The following SEMA3A variants were observed in gnomAD, a reference collection of about 807,000 sequenced individuals.
The protein encoded by SEMA3A is semaphorin-3A.
Under a neutral mutation model 97.9 loss-of-function variants are expected in SEMA3A, and 29 were observed. The ratio of observed to expected loss-of-function variants is 0.30; its 90% CI spans 0.22 to 0.40. SEMA3A has a LOEUF of 0.40. SEMA3A is among the 10% of genes least tolerant of loss of function. SEMA3A has a pLI of 1.00. For synonymous variants in SEMA3A, 321 were observed against 323.7 expected, an observed-to-expected ratio of 0.99 and a Z score of 0.09; for missense variants, 763 against 951.3, an observed-to-expected ratio of 0.80 and a Z score of 2.60.
At chr7:84,063,444 G>T (rs944176536) in intron 4 of SEMA3A, among the ~76,000 whole-genome samples, 1 of 151,450 alleles carries the variant, frequency 6.6e-6, no homozygotes. Context: ...GCTGAGAGAA[G>T]AAGGCTTCAG....
intron 14 of SEMA3A, among the ~76,000 whole-genome samples, chr7:83,979,163 T>C (rs1347576111): frequency 2.6e-5 from 4 of 151,562 alleles, no homozygotes; most frequent in Non-Finnish European, 5.9e-5. Flanking sequence ...AGACAGAGTC[T>C]TGCTTTGTCA....
At chr7:84,213,376 T>C (rs553033271) in intron 3 of SEMA3A, among the ~76,000 whole-genome samples, 1 of 152,284 alleles carries the variant, frequency 6.6e-6, no homozygotes, top group East Asian at 1.9e-4. Context: ...ACTCCTGGGC[T>C]CAATGGATCC....
intron 4 of SEMA3A, among the ~76,000 whole-genome samples, chr7:84,095,356 TAC>T (rs1249705705): frequency 1.2e-4 from 13 of 104,990 alleles, no homozygotes; most frequent in East Asian, 4.8e-4. Context: ...ATTTTTTATA[TAC>T]ATATATATAT....
At chr7:84,159,015 G>A (rs1796940798) in intron 1 of SEMA3A, among the ~76,000 whole-genome samples, 1 of 151,518 alleles carries the variant, frequency 6.6e-6, no homozygotes, top group South Asian at 2.1e-4. Flanking sequence ...AAAGTAGTAG[G>A]CAATTAAAAA....
intron 15 of SEMA3A, among the ~76,000 whole-genome samples, chr7:83,968,189 T>C (rs1159377271): frequency 2.0e-5 from 3 of 152,226 alleles, no homozygotes; most frequent in African/African-American, 4.8e-5. Context: ...TGAAATCTTA[T>C]ATATTGAGGA....
chr7:84,063,750 C>T (rs1411474094), intron 4 of SEMA3A, among the ~76,000 whole-genome samples: 5 of 149,340 alleles, frequency 3.3e-5, no homozygotes, highest in Non-Finnish European at 7.4e-5. Flanking sequence ...GCAAAGCCTC[C>T]AAGAAATATG....
intron 4 of SEMA3A, among the ~76,000 whole-genome samples, chr7:84,109,689 T>C (rs1406940714): frequency 6.6e-6 from 1 of 152,148 alleles, no homozygotes; most frequent in Admixed American, 6.5e-5. Flanking sequence ...ATTTGTTGAG[T>C]ATTTCTGAAT....
intron 2 of SEMA3A, among the ~76,000 whole-genome samples, chr7:84,322,205 A>G (rs1427915936): frequency 6.6e-6 from 1 of 151,888 alleles, no homozygotes; most frequent in Non-Finnish European, 1.5e-5. Context: ...AGATTATGAG[A>G]GTTACAATTC....
intron 2 of SEMA3A, among the ~76,000 whole-genome samples, chr7:84,312,628 A>G (rs1252187192): frequency 1.3e-5 from 2 of 150,892 alleles, no homozygotes; most frequent in Non-Finnish European, 3.0e-5. Context: ...TACAAAATAC[A>G]TATTCACAAC....
intron 1 of SEMA3A, among the ~76,000 whole-genome samples, chr7:84,384,767 C>G (rs144123554): frequency 1.3e-5 from 2 of 152,056 alleles, no homozygotes; most frequent in Non-Finnish European, 2.9e-5. Flanking sequence ...TTCTTGAGTA[C>G]GACTAGTTCT....
At chr7:84,008,052 C>T (rs867683494) in intron 9 of SEMA3A, among the ~76,000 whole-genome samples, 7 of 152,022 alleles carry the variant, frequency 4.6e-5, no homozygotes, top group Admixed American at 1.3e-4. Context: ...CTCTTTCTAA[C>T]ACAGAAAATA....
At position 83,957,912 on chromosome 7, in the gene SEMA3A, T is replaced by C. The variant is rs1788330663; in HGVS notation, c.*3459A>G. On this transcript the variant is annotated 3_prime_UTR_variant, in exon 17 of 17. Coordinates refer to ENST00000265362, the MANE Select transcript of SEMA3A (RefSeq NM_006080.3). ...TTTGAAACCATGAAACCTGATACAG[T>C]TTCATTAAATTGAATGGAAATTGTG... 6.6e-6 allele frequency: 1 copy of C among 152,024 alleles called. No individual in the cohort carries two copies. The highest frequency in any genetic ancestry group is 2.1e-4 in the South Asian group (1 of 4,834). 9.4% of individuals were successfully genotyped at this position (152,024 alleles called of 1,614,324 possible).
chr7:84,184,322 A>G (rs529213800), intron 1 of SEMA3A, among the ~76,000 whole-genome samples: 1 of 152,322 alleles, frequency 6.6e-6, no homozygotes, highest in East Asian at 1.9e-4. Flanking sequence ...TGTACTGACT[A>G]GGCACCTTGG....
rs576270176 is a variant in SEMA3A at position 84,484,570 on chromosome 7, C to G, written c.-246+7890G>C. Among the ~76,000 whole-genome samples, 480 of 143,280 alleles carry G rather than the reference C, an allele frequency of 3.4e-3. 2 individuals carry two copies. Among genetic ancestry groups the G allele is most frequent in the African/African-American group, 8.9e-3 (339 of 38,034 alleles). The allele number at this position is 143,280 out of a possible 152,430, so 94.0% of individuals were successfully genotyped here. A position where few individuals can be genotyped will look rare whatever the true frequency, so the allele number is the denominator to read the frequency against. On this transcript the variant is annotated intron_variant, in intron 1 of 3. Transcript: ENST00000424555. The stretch of plus-strand genomic sequence containing the variant: ...TCACACACACACACACACACACACA[C>G]AGAGAGCAAGTTTTTATCACATTGT...
At chr7:84,122,368 C>T (rs901597271) in intron 3 of SEMA3A, among the ~76,000 whole-genome samples, 1 of 151,942 alleles carries the variant, frequency 6.6e-6, no homozygotes, top group African/African-American at 2.4e-5. Flanking sequence ...AAATCAAAAC[C>T]ACATGAGATA....
At chr7:84,179,243 A>C (rs1797662890) in intron 1 of SEMA3A, among the ~76,000 whole-genome samples, 1 of 152,176 alleles carries the variant, frequency 6.6e-6, no homozygotes, top group African/African-American at 2.4e-5. Context: ...ACGATCAAAG[A>C]TTACACAGTC....
intron 3 of SEMA3A, among the ~76,000 whole-genome samples, chr7:84,219,898 C>T (rs773788228): frequency 5.9e-5 from 9 of 152,214 alleles, no homozygotes; most frequent in African/African-American, 9.6e-5. Context: ...TTAATGTTGA[C>T]GGCTGCTGAC....
chr7:84,032,832 G>C (rs1418830807), intron 6 of SEMA3A, among the ~76,000 whole-genome samples: 3 of 151,562 alleles, frequency 2.0e-5, no homozygotes, highest in African/African-American at 7.3e-5. Context: ...TGAATTTGAA[G>C]AGTTCTTTTT....
intron 4 of SEMA3A, among the ~76,000 whole-genome samples, chr7:84,109,596 A>G (rs757656858): frequency 5.3e-5 from 8 of 152,216 alleles, no homozygotes; most frequent in Non-Finnish European, 8.8e-5. Context: ...GAGAGTCTAA[A>G]GTTTAAGTTA....
Sources: gnomAD v4.1 joint callset for allele counts (sites outside exome capture counted in the v4.1 genomes callset) on GRCh38, gnomAD v4.1.1 for gene constraint, MANE v1.5 for transcripts, NCBI Gene and HGNC (gene_info 2026-07-23, HGNC 2026-07-21) for gene names.